The following TOX variants were observed in gnomAD, a reference collection of about 807,000 sequenced individuals.
The protein encoded by TOX is thymocyte selection associated high mobility group box.
A neutral mutation model predicts 53.7 loss-of-function variants in TOX; 11 were observed. That is an observed-to-expected ratio of 0.20 (90% confidence interval 0.13 to 0.34). TOX has a LOEUF of 0.34. Among genes scored for constraint, TOX ranks in the 10% least tolerant of loss-of-function variants. The probability of loss-of-function intolerance (pLI) is 1.00; values close to 1 mark genes in which losing one functional copy is unlikely to be tolerated. For synonymous variants in TOX, 225 were observed against 245.3 expected, an observed-to-expected ratio of 0.92 and a Z score of 0.77; for missense variants, 570 against 664.6, an observed-to-expected ratio of 0.86 and a Z score of 1.56.
chr8:59,012,055 T>C (rs917478819), intron 1 of TOX, among the ~76,000 whole-genome samples: 1 of 152,102 alleles, frequency 6.6e-6, no homozygotes, highest in Non-Finnish European at 1.5e-5. Flanking sequence ...CTGGAGGCAT[T>C]GCATCCTCCT....
intron 3 of TOX, among the ~76,000 whole-genome samples, chr8:58,935,036 T>C (rs190470545): frequency 3.9e-4 from 59 of 152,342 alleles, no homozygotes; most frequent in Admixed American, 1.0e-3. Context: ...AAATTGTTGA[T>C]GTCTAATATA....
intron 3 of TOX, among the ~76,000 whole-genome samples, chr8:58,883,301 TACC>T (rs1204321221): frequency 6.6e-6 from 1 of 152,238 alleles, no homozygotes; most frequent in Admixed American, 6.5e-5. Context: ...TCAGTTTTCT[TACC>T]AGTAAATGGC....
At chr8:58,887,769 A>G (rs1000976863) in intron 3 of TOX, among the ~76,000 whole-genome samples, 2 of 151,646 alleles carry the variant, frequency 1.3e-5, no homozygotes, top group African/African-American at 4.8e-5. Context: ...TTGCTCTTTT[A>G]CCTCTTAAAC....
intron 3 of TOX, among the ~76,000 whole-genome samples, chr8:58,935,544 A>G (rs1812329895): frequency 6.6e-6 from 1 of 152,226 alleles, no homozygotes; most frequent in Non-Finnish European, 1.5e-5. Flanking sequence ...AGCTTTTATT[A>G]GTTGTTCTCA....
intron 8 of TOX, 25 bp downstream of exon 8, chr8:58,808,093 C>T: frequency 1.2e-6 from 2 of 1,600,058 alleles, no homozygotes; most frequent in African/African-American, 1.3e-5. Context: ...TGTCCACCAC[C>T]AGGTGGCGAT....
intron 3 of TOX, among the ~76,000 whole-genome samples, chr8:58,881,860 A>G (rs1219553410): frequency 1.3e-5 from 2 of 152,170 alleles, no homozygotes; most frequent in African/African-American, 4.8e-5. Flanking sequence ...ATTACACATC[A>G]TCTCAAACTA....
intron 3 of TOX, among the ~76,000 whole-genome samples, chr8:58,904,056 A>G (rs1170082811): frequency 6.6e-6 from 1 of 152,226 alleles, no homozygotes; most frequent in African/African-American, 2.4e-5. Context: ...AGATGTTTAG[A>G]AAATGAGGCT....
chr8:59,047,103 T>A (rs554773041), intron 1 of TOX, among the ~76,000 whole-genome samples: 2 of 151,594 alleles, frequency 1.3e-5, no homozygotes, highest in Non-Finnish European at 2.9e-5. Context: ...AGCTTTCCTG[T>A]GTTTCTGCTC....
intron 1 of TOX, among the ~76,000 whole-genome samples, chr8:59,049,904 G>A (rs1020541363): frequency 3.3e-5 from 5 of 152,184 alleles, no homozygotes; most frequent in East Asian, 1.9e-4. Flanking sequence ...GTGGAGTGGC[G>A]GGGGTTTCTA....
intron 2 of TOX, among the ~76,000 whole-genome samples, chr8:58,940,773 C>T (rs543367201): frequency 6.6e-6 from 1 of 152,254 alleles, no homozygotes; most frequent in South Asian, 2.1e-4. Flanking sequence ...GCGTCATGCT[C>T]CTGTGTCCAA....
At chr8:58,934,794 C>T (rs1379042574) in intron 3 of TOX, among the ~76,000 whole-genome samples, 2 of 152,098 alleles carry the variant, frequency 1.3e-5, no homozygotes, top group Non-Finnish European at 2.9e-5. Context: ...TTTATTTAAC[C>T]AACACTTATA....
At chr8:58,981,866 T>A (rs148806611) in intron 1 of TOX, among the ~76,000 whole-genome samples, 7 of 152,296 alleles carry the variant, frequency 4.6e-5, no homozygotes, top group Admixed American at 4.6e-4. Context: ...CTCAACTGTA[T>A]CCCTCCTGGT....
intron 3 of TOX, among the ~76,000 whole-genome samples, chr8:58,921,365 C>G (rs906632201): frequency 6.6e-6 from 1 of 152,120 alleles, no homozygotes; most frequent in Non-Finnish European, 1.5e-5. Flanking sequence ...TAGATAGGAA[C>G]GAATCGGATC....
intron 3 of TOX, among the ~76,000 whole-genome samples, chr8:58,886,568 G>T (rs1811471790): frequency 6.6e-6 from 1 of 152,020 alleles, no homozygotes; most frequent in Non-Finnish European, 1.5e-5. Context: ...CACATATTTT[G>T]CAGTTAAAAT....
chr8:58,849,971 A>G (rs1358659463), intron 4 of TOX, among the ~76,000 whole-genome samples: 4 of 152,208 alleles, frequency 2.6e-5, no homozygotes, highest in Admixed American at 6.5e-5. Flanking sequence ...AGCCATTGGA[A>G]TAACCTGTAT....
chr8:58,977,333 A>G (rs1813120194), intron 1 of TOX, among the ~76,000 whole-genome samples: 1 of 152,198 alleles, frequency 6.6e-6, no homozygotes, highest in Non-Finnish European at 1.5e-5. Flanking sequence ...CTCAACCTTT[A>G]TAGAATTGAA....
At chr8:58,952,283 C>T (rs914891088) in intron 2 of TOX, among the ~76,000 whole-genome samples, 1 of 152,102 alleles carries the variant, frequency 6.6e-6, no homozygotes, top group Non-Finnish European at 1.5e-5. Context: ...TCTTTAAGCA[C>T]CTTGGAAATG....
intron 2 of TOX, among the ~76,000 whole-genome samples, chr8:58,955,121 G>C (rs17299660): frequency 6.6e-6 from 1 of 152,098 alleles, no homozygotes; most frequent in African/African-American, 2.4e-5. Context: ...CTGATTCCAG[G>C]AAAACATAAT....
chr8:59,006,678 C>A (rs576816816), intron 1 of TOX, among the ~76,000 whole-genome samples: 7 of 152,258 alleles, frequency 4.6e-5, no homozygotes, highest in African/African-American at 1.7e-4. Context: ...ACAGCAATAC[C>A]AGCAACCTTC....
Sources: gnomAD v4.1 joint callset for allele counts (sites outside exome capture counted in the v4.1 genomes callset) on GRCh38, gnomAD v4.1.1 for gene constraint, MANE v1.5 for transcripts, NCBI Gene and HGNC (gene_info 2026-07-23, HGNC 2026-07-21) for gene names.